Variants in ZMIZ1 observed in about 807,000 individuals in gnomAD.
ZMIZ1 encodes the protein zinc finger MIZ-type containing 1.
Under a neutral mutation model 113.9 loss-of-function variants are expected in ZMIZ1, and 17 were observed. That is an observed-to-expected ratio of 0.15 (90% CI 0.10 to 0.22). ZMIZ1 has a LOEUF of 0.22. Among genes scored for constraint, ZMIZ1 ranks in the 10% least tolerant of loss-of-function variants. The probability of loss-of-function intolerance (pLI) is 1.00; values close to 1 mark genes in which losing one functional copy is unlikely to be tolerated. For synonymous variants in ZMIZ1, 607 were observed against 603.1 expected, an observed-to-expected ratio of 1.01 and a Z score of -0.09; for missense variants, 1,059 against 1,477.8, an observed-to-expected ratio of 0.72 and a Z score of 4.65.
chr10:79,093,199 C>T (rs1363287975), intron 1 of ZMIZ1, among the ~76,000 whole-genome samples: 1 of 148,444 alleles, frequency 6.7e-6, no homozygotes, highest in Non-Finnish European at 1.5e-5. Flanking sequence ...GCTTTAGGTT[C>T]TCTGCACTGT....
chr10:79,112,428 A>C (rs1589284405), intron 1 of ZMIZ1, among the ~76,000 whole-genome samples: 1 of 152,166 alleles, frequency 6.6e-6, no homozygotes, highest in African/African-American at 2.4e-5. Context: ...CGGCTCCATC[A>C]CCGAAAGTCC....
intron 7 of ZMIZ1, among the ~76,000 whole-genome samples, chr10:79,247,992 A>T (rs140032219): frequency 5.9e-5 from 9 of 152,068 alleles, no homozygotes; most frequent in African/African-American, 1.9e-4. Context: ...TAAAAGGTAG[A>T]CTCCACTCCA....
In ZMIZ1 at chr10:79,302,861, G is replaced by GTTTT. The variant is rs34181232; in HGVS notation, c.2125+664_2125+667dup. Among the ~76,000 whole-genome samples, 25 of 116,002 alleles carry GTTTT rather than the reference G, an allele frequency of 2.2e-4. 2 individuals are homozygous for GTTTT. Among genetic ancestry groups the GTTTT allele is most frequent in the African/African-American group, 3.3e-4 (10 of 30,510 alleles). 76.1% of individuals were successfully genotyped at this position (116,002 alleles called of 152,430 possible). On this transcript the variant is annotated intron_variant, in intron 18 of 24. Transcript: ENST00000334512. ...GGTGCATGCCACCACGCCCAGCTAAGTTTTTTTTTTTTTTTTTTGAGACGG... is the reference window on the plus strand; with the variant it reads ...GGTGCATGCCACCACGCCCAGCTAAGTTTTTTTTTTTTTTTTTTTTTTGAGACGG...
chr10:79,109,110 G>A (rs1272087449), intron 1 of ZMIZ1, among the ~76,000 whole-genome samples: 2 of 152,178 alleles, frequency 1.3e-5, no homozygotes, highest in Non-Finnish European at 2.9e-5. Context: ...CACTCTGCAG[G>A]CATCCATGTG....
At chr10:79,271,073 C>G (rs1851920569) in intron 7 of ZMIZ1, among the ~76,000 whole-genome samples, 1 of 152,176 alleles carries the variant, frequency 6.6e-6, no homozygotes, top group Admixed American at 6.5e-5. Flanking sequence ...TCATTCTACC[C>G]CTAGGCGGCT....
At chr10:79,264,615 G>A (rs536057398) in intron 7 of ZMIZ1, among the ~76,000 whole-genome samples, 6 of 152,206 alleles carry the variant, frequency 3.9e-5, no homozygotes, top group Non-Finnish European at 8.8e-5. Flanking sequence ...ACATACTCAG[G>A]TGTGCACTGA....
In ZMIZ1 at chr10:79,208,362, C is replaced by T; in HGVS notation, c.87C>T (p.His29=). The T allele has an allele frequency of 1.2e-6, 2 of 1,614,192 alleles. No individual in the cohort carries two copies. The highest frequency in any genetic ancestry group is 1.7e-6 in the Non-Finnish European group (2 of 1,180,036). ...KQHLQNPANF[H]NAATELLDWC... ...ACTTACAGAATCCTGCCAACTTCCA[C>T]AATGCCGCCACGGAGCTGCTGGACT... The change falls in exon 6 of 25, where the codon CAC becomes CAT. Residue 29 remains histidine (H), a synonymous_variant. Coordinates refer to ENST00000334512, the MANE Select transcript of ZMIZ1 (RefSeq NM_020338.4).
rs556935738 is a variant in ZMIZ1 at position 79,102,965 on chromosome 10, C to T, written c.-336-15950C>T. ...TGAGGAGGTGCTGACCCTCCTGGGG[C>T]TAACATCATTGAGCAGGGCTGGGGA... is the stretch of plus-strand genomic sequence containing the variant. On this transcript the variant is annotated intron_variant, in intron 1 of 24. Transcript: ENST00000334512. Among the ~76,000 whole-genome samples, 18 of 152,302 alleles carry T rather than the reference C, an allele frequency of 1.2e-4. No individual in the cohort carries two copies. In the South Asian group the frequency reaches 3.5e-3, roughly 30 times the overall value.
intron 2 of ZMIZ1, among the ~76,000 whole-genome samples, chr10:79,124,709 G>C (rs567939494): frequency 6.6e-6 from 1 of 152,312 alleles, no homozygotes; most frequent in African/African-American, 2.4e-5. Context: ...AGACTTCCTG[G>C]TGGAGGGGTA....
At position 79,312,850 on chromosome 10, in the gene ZMIZ1, C is replaced by A; in HGVS notation, c.*101C>A. Reference sequence around the variant, plus strand: ...GCCTGTGCCCTCAGACCGCCCCGCACCAGAGCCACGGGCTGTGGGGCGGGG... The same window carrying A: ...GCCTGTGCCCTCAGACCGCCCCGCAACAGAGCCACGGGCTGTGGGGCGGGG... On this transcript the variant is annotated 3_prime_UTR_variant, in exon 25 of 25. Transcript: ENST00000334512. The A allele has an allele frequency of 8.8e-7, 1 of 1,132,594 alleles. No homozygotes were observed. 70.2% of individuals were successfully genotyped at this position (1,132,594 alleles called of 1,614,324 possible).
intron 7 of ZMIZ1, among the ~76,000 whole-genome samples, chr10:79,228,769 G>T (rs1002611444): frequency 6.6e-6 from 1 of 152,226 alleles, no homozygotes; most frequent in Non-Finnish European, 1.5e-5. Context: ...CTCAGGCTAT[G>T]TAGAGCCCAG....
chr10:79,154,162 C>T (rs186584147), intron 3 of ZMIZ1, among the ~76,000 whole-genome samples: 1 of 152,246 alleles, frequency 6.6e-6, no homozygotes, highest in African/African-American at 2.4e-5. Flanking sequence ...CAATATTGGA[C>T]CCCCTGGGTC....
intron 2 of ZMIZ1, among the ~76,000 whole-genome samples, chr10:79,124,448 C>T (rs1844429052): frequency 6.6e-6 from 1 of 152,184 alleles, no homozygotes; most frequent in Non-Finnish European, 1.5e-5. Context: ...TTTTCCCTAC[C>T]ACAACAAACT....
intron 1 of ZMIZ1, among the ~76,000 whole-genome samples, chr10:79,075,455 A>C (rs890888491): frequency 1.3e-5 from 2 of 152,112 alleles, no homozygotes; most frequent in African/African-American, 4.8e-5. Context: ...GCCCCTAGAG[A>C]TAGGGCTTGG....
At chr10:79,107,434 G>T (rs1355835905) in intron 1 of ZMIZ1, among the ~76,000 whole-genome samples, 1 of 152,230 alleles carries the variant, frequency 6.6e-6, no homozygotes, top group Non-Finnish European at 1.5e-5. Context: ...TGGGTTAACA[G>T]TGTCTGTCTC....
At chr10:79,233,225 G>C (rs1383061798) in intron 7 of ZMIZ1, among the ~76,000 whole-genome samples, 1 of 152,262 alleles carries the variant, frequency 6.6e-6, no homozygotes, top group African/African-American at 2.4e-5. Context: ...CCTGCATCCT[G>C]CATCGCAGCT....
At chr10:79,161,221 C>T (rs1043622230) in intron 3 of ZMIZ1, among the ~76,000 whole-genome samples, 3 of 152,208 alleles carry the variant, frequency 2.0e-5, no homozygotes, top group Non-Finnish European at 4.4e-5. Context: ...CCTGGAGCAG[C>T]GTCCCCACTG....
chr10:79,120,490 G>A (rs905698212), intron 2 of ZMIZ1, among the ~76,000 whole-genome samples: 9 of 152,334 alleles, frequency 5.9e-5, no homozygotes, highest in East Asian at 1.9e-4. Flanking sequence ...AGCCTGGGCC[G>A]AGGCTGAGCT....
chr10:79,075,369 T>G (rs1304729273), intron 1 of ZMIZ1, among the ~76,000 whole-genome samples: 1 of 152,216 alleles, frequency 6.6e-6, no homozygotes, highest in Non-Finnish European at 1.5e-5. Flanking sequence ...GTGGTCTGAC[T>G]TTGGGATATT....
Sources: gnomAD v4.1 joint callset for allele counts (sites outside exome capture counted in the v4.1 genomes callset) on GRCh38, gnomAD v4.1.1 for gene constraint, MANE v1.5 for transcripts, NCBI Gene and HGNC (gene_info 2026-07-23, HGNC 2026-07-21) for gene names.